CNTN5: variants seen among roughly 807,000 people sequenced by gnomAD.
CNTN5 encodes the protein contactin 5.
In CNTN5, 77 loss-of-function variants were observed where a neutral mutation model predicts 129.1. The ratio of observed to expected loss-of-function variants is 0.60; its 90% CI spans 0.50 to 0.72. The LOEUF (loss-of-function observed/expected upper bound fraction) is 0.72. Ranked by LOEUF, CNTN5 falls within the 30% of genes least tolerant of loss-of-function variation. The probability of loss-of-function intolerance (pLI) is 0.00; values close to 1 mark genes in which losing one functional copy is unlikely to be tolerated. For missense variants in CNTN5, 1,478 were observed against 1,328.8 expected, an observed-to-expected ratio of 1.11 and a Z score of -1.75; for synonymous variants, 509 against 465.6, an observed-to-expected ratio of 1.09 and a Z score of -1.20.
chr11:100,242,973 C>T (rs1233696836), intron 16 of CNTN5, among the ~76,000 whole-genome samples: 7 of 152,198 alleles, frequency 4.6e-5, no homozygotes, highest in East Asian at 1.9e-4. Flanking sequence ...CAGCAGATAC[C>T]GCGAAATAAA....
chr11:99,342,588 A>C (rs1037569781), intron 2 of CNTN5, among the ~76,000 whole-genome samples: 5 of 145,348 alleles, frequency 3.4e-5, no homozygotes, highest in Admixed American at 2.1e-4. Flanking sequence ...AAAAAAAAAA[A>C]AAAAAAAAAA....
intron 1 of CNTN5, among the ~76,000 whole-genome samples, chr11:99,155,668 C>A (rs1860300639): frequency 6.6e-6 from 1 of 151,148 alleles, no homozygotes; most frequent in Non-Finnish European, 1.5e-5. Flanking sequence ...AAAAAAAAAA[C>A]TAGTAAGTGA....
chr11:100,110,333 A>G (rs1282115123), intron 13 of CNTN5, among the ~76,000 whole-genome samples: 1 of 152,174 alleles, frequency 6.6e-6, no homozygotes. Context: ...AAGGAACACT[A>G]TTTAAACAAG....
chr11:99,565,674 G>C (rs1462819506), intron 3 of CNTN5, among the ~76,000 whole-genome samples: 1 of 152,114 alleles, frequency 6.6e-6, no homozygotes, highest in Non-Finnish European at 1.5e-5. Context: ...CCTTAAAATT[G>C]CCTACATTCT....
intron 12 of CNTN5, among the ~76,000 whole-genome samples, chr11:100,072,962 A>C (rs962281190): frequency 5.0e-5 from 6 of 119,364 alleles, no homozygotes; most frequent in Non-Finnish European, 8.3e-5. Flanking sequence ...TTTCAAAATT[A>C]CTTTTTGTAA....
intron 18 of CNTN5, 66 bp downstream of exon 18, chr11:100,271,307 T>A: frequency 8.7e-7 from 1 of 1,152,364 alleles, no homozygotes; most frequent in Non-Finnish European, 1.2e-6. Context: ...TGAGTTGAAT[T>A]AACCATGATT....
At chr11:99,973,166 C>G (rs531746783) in intron 8 of CNTN5, among the ~76,000 whole-genome samples, 3 of 152,152 alleles carry the variant, frequency 2.0e-5, no homozygotes, top group Admixed American at 2.0e-4. Flanking sequence ...GTGGAGAATG[C>G]AGGTAATTCT....
intron 8 of CNTN5, among the ~76,000 whole-genome samples, chr11:99,986,943 C>A (rs1041696831): frequency 6.6e-6 from 1 of 151,882 alleles, no homozygotes; most frequent in African/African-American, 2.4e-5. Flanking sequence ...TGACTGATTG[C>A]GGAGAAATGG....
intron 1 of CNTN5, among the ~76,000 whole-genome samples, chr11:99,130,933 C>T (rs1858899970): frequency 6.6e-6 from 1 of 151,968 alleles, no homozygotes; most frequent in African/African-American, 2.4e-5. Flanking sequence ...GAGACATGGA[C>T]CAGAATCTCT....
At chr11:99,520,270 T>C (rs939238372) in intron 2 of CNTN5, among the ~76,000 whole-genome samples, 2 of 152,152 alleles carry the variant, frequency 1.3e-5, no homozygotes, top group African/African-American at 4.8e-5. Context: ...CTAACCTGGC[T>C]GTAAGAAATT....
At chr11:99,388,982 CTTATTTTATTTTATTTTATTTTATT>C (rs527528323) in intron 2 of CNTN5, among the ~76,000 whole-genome samples, 120 of 120,428 alleles carry the variant, frequency 1.0e-3, no homozygotes, top group African/African-American at 2.5e-3. Flanking sequence ...TTCTCCAGTC[CTTATTTTATTTTATTTTATTTTATT>C]TTATTTTATT....
intron 1 of CNTN5, among the ~76,000 whole-genome samples, chr11:99,322,565 T>A (rs1310500508): frequency 6.6e-6 from 1 of 152,158 alleles, no homozygotes; most frequent in African/African-American, 2.4e-5. Flanking sequence ...AAATTAATTA[T>A]CAATTTAAGG....
At chr11:99,409,457 C>T (rs1026008426) in intron 2 of CNTN5, among the ~76,000 whole-genome samples, 6 of 151,956 alleles carry the variant, frequency 3.9e-5, no homozygotes, top group Admixed American at 2.0e-4. Flanking sequence ...GACAACAGAG[C>T]GAGATTCCGT....
At position 99,298,049 on chromosome 11, in the gene CNTN5, C is replaced by T. The variant is rs866659301; in HGVS notation, c.-209-27297C>T. On this transcript the variant is annotated intron_variant, in intron 1 of 24. Coordinates refer to ENST00000524871, the MANE Select transcript of CNTN5 (RefSeq NM_014361.4). Reference sequence around the variant, plus strand: ...TGGAGCTCAGAAATCTGAGAGGGAGCTTATCCATGATCTCCAGCTGCTCTG... The same window carrying T: ...TGGAGCTCAGAAATCTGAGAGGGAGTTTATCCATGATCTCCAGCTGCTCTG... Among the ~76,000 whole-genome samples, 8 of 152,116 alleles carry T rather than the reference C, an allele frequency of 5.3e-5. No individual in the cohort carries two copies. In the South Asian group the frequency reaches 1.7e-3, roughly 32 times the overall value.
chr11:99,073,860 G>T (rs1429762603), intron 1 of CNTN5, among the ~76,000 whole-genome samples: 1 of 152,084 alleles, frequency 6.6e-6, no homozygotes, highest in Non-Finnish European at 1.5e-5. Flanking sequence ...CTTTATAGTA[G>T]AATTATTTAT....
chr11:99,842,889 A>T (rs1459191069), intron 4 of CNTN5, among the ~76,000 whole-genome samples: 1 of 152,122 alleles, frequency 6.6e-6, no homozygotes, highest in Non-Finnish European at 1.5e-5. Context: ...TGGTACAGTG[A>T]GACATATTCT....
At chr11:99,685,334 T>G (rs1953742844) in intron 3 of CNTN5, among the ~76,000 whole-genome samples, 2 of 151,916 alleles carry the variant, frequency 1.3e-5, no homozygotes, top group Non-Finnish European at 1.5e-5. Flanking sequence ...GAAAATAATG[T>G]GTACCATAGT....
chr11:100,046,816 C>T (rs563086526), intron 9 of CNTN5, among the ~76,000 whole-genome samples: 5 of 152,120 alleles, frequency 3.3e-5, no homozygotes, highest in South Asian at 2.1e-4. Flanking sequence ...CAGTTGTTGT[C>T]ATATATTGGA....
chr11:100,062,611 G>C (rs564567523), intron 10 of CNTN5, among the ~76,000 whole-genome samples: 37 of 152,270 alleles, frequency 2.4e-4, no homozygotes, highest in African/African-American at 7.2e-4. Flanking sequence ...CATGTGAAGA[G>C]GACTGTGGGA....
Sources: allele counts gnomAD v4.1 joint callset (sites outside exome capture counted in the v4.1 genomes callset), GRCh38; gene constraint gnomAD v4.1.1; transcripts MANE v1.5; gene names NCBI Gene and HGNC (gene_info 2026-07-23, HGNC 2026-07-21).